SP100: variants seen among roughly 807,000 people sequenced by gnomAD.
The protein encoded by SP100 is nuclear autoantigen Sp-100.
In SP100, 84 loss-of-function variants were observed where a neutral mutation model predicts 130.0. The observed-to-expected ratio is 0.65, with a 90% CI of 0.54 to 0.77. The LOEUF (loss-of-function observed/expected upper bound fraction) is 0.77, where lower values mean the gene tolerates loss of function less well. Among genes scored for constraint, SP100 ranks in the 30% least tolerant of loss-of-function variants. SP100 has a pLI of 0.00. For synonymous variants in SP100, 331 were observed against 351.7 expected, an observed-to-expected ratio of 0.94 and a Z score of 0.66; for missense variants, 978 against 1,052.2, an observed-to-expected ratio of 0.93 and a Z score of 0.97.
intron 24 of SP100, among the ~76,000 whole-genome samples, chr2:230,518,550 C>T (rs186264156): frequency 3.0e-4 from 46 of 151,862 alleles, no homozygotes; most frequent in African/African-American, 8.2e-4. Flanking sequence ...TTGACCTAGA[C>T]GTTTAATGAG....
chr2:230,432,315 T>A (rs1370610316), intron 2 of SP100, among the ~76,000 whole-genome samples: 1 of 152,218 alleles, frequency 6.6e-6, no homozygotes, highest in African/African-American at 2.4e-5. Context: ...TGTTTTTATT[T>A]TTTGACTATT....
intron 28 of SP100, 118 bp from the exon 29 acceptor site, chr2:230,542,718 A>T: frequency 1.8e-6 from 1 of 563,430 alleles, no homozygotes; most frequent in Non-Finnish European, 3.2e-6. Context: ...CAACTCAAGT[A>T]GATTAATTCT....
At chr2:230,425,519 GA>G (rs1178104225) in intron 2 of SP100, among the ~76,000 whole-genome samples, 2 of 148,996 alleles carry the variant, frequency 1.3e-5, no homozygotes, top group African/African-American at 4.9e-5. Context: ...ATGTTCATAT[GA>G]TTTTTGTCCT....
At chr2:230,533,540 C>T (rs903542253) in intron 24 of SP100, among the ~76,000 whole-genome samples, 1 of 152,182 alleles carries the variant, frequency 6.6e-6, no homozygotes, top group Admixed American at 6.5e-5. Context: ...GAAAAAGGCA[C>T]CTACTTCTGC....
chr2:230,533,384 G>A (rs1426328426), intron 24 of SP100, among the ~76,000 whole-genome samples: 1 of 152,170 alleles, frequency 6.6e-6, no homozygotes, highest in East Asian at 1.9e-4. Context: ...ACAATGGTTT[G>A]AAGTGCTATA....
chr2:230,429,174 A>G (rs181879985), intron 2 of SP100, among the ~76,000 whole-genome samples: 4 of 152,278 alleles, frequency 2.6e-5, no homozygotes, highest in African/African-American at 9.6e-5. Context: ...TTTGTTTGGA[A>G]AGGTTTTTAT....
At chr2:230,467,265 C>T (rs1184447908) in intron 13 of SP100, 50 bp downstream of exon 13, 1 of 1,267,142 alleles carries the variant, frequency 7.9e-7, no homozygotes, top group Non-Finnish European at 1.2e-6. Context: ...AGCACCTCTT[C>T]CCTGATGCAC....
intron 2 of SP100, among the ~76,000 whole-genome samples, chr2:230,437,572 G>C (rs1164662074): frequency 6.6e-6 from 1 of 151,532 alleles, no homozygotes; most frequent in Non-Finnish European, 1.5e-5. Flanking sequence ...GTTTTGTTTT[G>C]TTGTTGTTGT....
intron 17 of SP100, among the ~76,000 whole-genome samples, chr2:230,475,788 T>G (rs747294996): frequency 6.6e-6 from 1 of 152,206 alleles, no homozygotes; most frequent in South Asian, 2.1e-4. Flanking sequence ...ATTTATTGAA[T>G]AGACAGTCCA....
chr2:230,494,366 A>G, intron 17 of SP100, 50 bp from the exon 18 acceptor site: 2 of 1,352,930 alleles, frequency 1.5e-6, no homozygotes, highest in Non-Finnish European at 2.1e-6. Flanking sequence ...AAGTGTGTAA[A>G]TCTTTGTTTA....
chr2:230,475,118 C>CTT (rs1481724358), intron 17 of SP100, among the ~76,000 whole-genome samples: 1 of 152,146 alleles, frequency 6.6e-6, no homozygotes. Flanking sequence ...GCCACACTGT[C>CTT]TTCCACAATG....
At chr2:230,479,842 G>C (rs545060152) in intron 17 of SP100, among the ~76,000 whole-genome samples, 1 of 152,316 alleles carries the variant, frequency 6.6e-6, no homozygotes, top group Admixed American at 6.5e-5. Context: ...ACAATTCACA[G>C]TGACTCCCAG....
At chr2:230,504,395 C>G (rs1373353570) in intron 21 of SP100, 105 bp downstream of exon 21, 1 of 626,390 alleles carries the variant, frequency 1.6e-6, no homozygotes, top group Admixed American at 2.6e-5. Flanking sequence ...AAAACCAGCC[C>G]CAGGCTTGAA....
chr2:230,416,555 T>C (rs567183261), intron 1 of SP100, among the ~76,000 whole-genome samples: 32 of 152,230 alleles, frequency 2.1e-4, no homozygotes, highest in African/African-American at 7.7e-4. Flanking sequence ...CACACGTGAC[T>C]TTCTTGTTTT....
intron 24 of SP100, chr2:230,538,106 A>AAAATCTGGTACACCAACCCAG (rs1692017497): frequency 6.6e-6 from 1 of 152,194 alleles, no homozygotes; most frequent in African/African-American, 2.4e-5. Context: ...AACCCAGACT[A>AAAATCTGGTACACCAACCCAG]ACTGAATCAA....
At chr2:230,510,778 AGCCACT>A (rs1013066774) in intron 23 of SP100, 5 of 320,238 alleles carry the variant, frequency 1.6e-5, no homozygotes, top group Non-Finnish European at 2.9e-5. Flanking sequence ...TACAGGCATG[AGCCACT>A]GCACCTGGAC....
chr2:230,526,418 A>T (rs1691428258), intron 24 of SP100, among the ~76,000 whole-genome samples: 2 of 152,210 alleles, frequency 1.3e-5, no homozygotes, highest in East Asian at 3.8e-4. Flanking sequence ...GGTCACCAAC[A>T]TCAAAGATCA....
chr2:230,447,815 C>T (rs1389451213), intron 5 of SP100, among the ~76,000 whole-genome samples: 5 of 152,096 alleles, frequency 3.3e-5, no homozygotes, highest in Non-Finnish European at 7.4e-5. Flanking sequence ...ATCATTGGCA[C>T]CTGATTATTA....
chr2:230,522,693 T>C (rs572636094), intron 24 of SP100, among the ~76,000 whole-genome samples: 13 of 152,020 alleles, frequency 8.6e-5, no homozygotes, highest in Admixed American at 2.0e-4. Context: ...TTTTGCAGTG[T>C]TGACCAGGAT....
Sources: allele counts gnomAD v4.1 joint callset (sites outside exome capture counted in the v4.1 genomes callset), GRCh38; gene constraint gnomAD v4.1.1; transcripts MANE v1.5; gene names NCBI Gene and HGNC (gene_info 2026-07-23, HGNC 2026-07-21).